Variants in TAOK1 observed in about 807,000 individuals in gnomAD.
TAOK1 encodes the protein TAO kinase 1, also known as serine/threonine-protein kinase TAO1.
A neutral mutation model predicts 138.3 loss-of-function variants in TAOK1; 21 were observed. That is an observed-to-expected ratio of 0.15 (90% CI 0.11 to 0.22). TAOK1 has a LOEUF of 0.22. TAOK1 is among the 10% of genes least tolerant of loss of function. The probability of loss-of-function intolerance (pLI) is 1.00; values close to 1 mark genes in which losing one functional copy is unlikely to be tolerated. For missense variants in TAOK1, 651 were observed against 1,227.7 expected (o/e 0.53, Z 7.02); for synonymous variants, 361 against 398.4 (o/e 0.91, Z 1.12).
At chr17:29,468,692 C>T (rs1344478996) in intron 3 of TAOK1, among the ~76,000 whole-genome samples, 2 of 151,848 alleles carry the variant, frequency 1.3e-5, no homozygotes, top group African/African-American at 4.8e-5. Flanking sequence ...GGATTACAGG[C>T]GCCTGCCACC....
intron 1 of TAOK1, among the ~76,000 whole-genome samples, chr17:29,430,668 G>C (rs1048177911): frequency 2.0e-5 from 3 of 152,274 alleles, no homozygotes; most frequent in African/African-American, 4.8e-5. Context: ...AAATTGGCAT[G>C]AAACAGCCTT....
At chr17:29,442,669 T>C (rs1469976483) in intron 1 of TAOK1, among the ~76,000 whole-genome samples, 1 of 152,222 alleles carries the variant, frequency 6.6e-6, no homozygotes, top group East Asian at 1.9e-4. Flanking sequence ...TCTTCATCTT[T>C]CTAGTTTACT....
At position 29,507,747 on chromosome 17, in the gene TAOK1, A is replaced by G; in HGVS notation, c.1339-149A>G. On this transcript the variant is annotated intron_variant, in intron 13 of 19. Transcript: ENST00000261716. ...AATTTTAGAACCAGTCAATTTCTTTAAAAGACTTGTTGGAAATTTCCTTGG... is the reference window on the plus strand; with the variant it reads ...AATTTTAGAACCAGTCAATTTCTTTGAAAGACTTGTTGGAAATTTCCTTGG... The G allele has an allele frequency of 4.2e-6, 3 of 720,902 alleles. No individual in the cohort carries two copies. The South Asian group carries it at 6.1e-5, about 15-fold the overall frequency. The allele number at this position is 720,902 out of a possible 1,614,324, so 44.7% of individuals were successfully genotyped here.
At chr17:29,425,284 G>A (rs1315001388) in intron 1 of TAOK1, among the ~76,000 whole-genome samples, 1 of 152,108 alleles carries the variant, frequency 6.6e-6, no homozygotes, top group Non-Finnish European at 1.5e-5. Flanking sequence ...TGTTGGCCAG[G>A]CTGGTCTCAA....
intron 9 of TAOK1, among the ~76,000 whole-genome samples, chr17:29,490,583 A>G (rs2031278002): frequency 6.6e-6 from 1 of 152,180 alleles, no homozygotes; most frequent in African/African-American, 2.4e-5. Flanking sequence ...TAATAATGCT[A>G]AAACTCTGTG....
chr17:29,458,717 C>CA (rs1441545161), intron 2 of TAOK1, among the ~76,000 whole-genome samples: 7 of 151,860 alleles, frequency 4.6e-5, no homozygotes, highest in Non-Finnish European at 8.8e-5. Context: ...TTTTGTGAGA[C>CA]AGAGTCTCAC....
intron 1 of TAOK1, among the ~76,000 whole-genome samples, chr17:29,392,035 T>C (rs927233403): frequency 2.6e-5 from 4 of 152,062 alleles, no homozygotes; most frequent in Non-Finnish European, 5.9e-5. Flanking sequence ...GCTAACACGG[T>C]GAAACCCCGT....
rs769793361 is a variant in TAOK1, at chr17:29,510,930, C to G, written c.1642C>G (p.Leu548Val). 1 of 1,611,294 alleles carries G rather than the reference C, an allele frequency of 6.2e-7. No homozygotes were observed. The highest frequency in any genetic ancestry group is 8.5e-7 in the Non-Finnish European group (1 of 1,178,756). The change falls in exon 15 of 20, where the codon CTG becomes GTG. Residue 548 changes from leucine to valine, a missense_variant. By Grantham distance (32) the Leu-to-Val change is conservative. Transcript: ENST00000261716. ...QHIQAQQKKE[L>V]NSFLESQKRE... ...TATTCAGGCCCAACAGAAGAAAGAA[C>G]TGAATAGTTTTCTCGAGTCCCAGAA...
chr17:29,426,625 C>T (rs895536078), intron 1 of TAOK1, among the ~76,000 whole-genome samples: 7 of 152,200 alleles, frequency 4.6e-5, no homozygotes, highest in Admixed American at 4.6e-4. Context: ...ATCCATTATC[C>T]ATGTCTTGTG....
In TAOK1 at chr17:29,482,254, T is replaced by C. The variant is rs749730923; in HGVS notation, c.621T>C (p.Asp207=). 6 of 1,613,018 alleles carry C rather than the reference T, an allele frequency of 3.7e-6. No individual in the cohort carries two copies. The highest frequency in any genetic ancestry group is 4.2e-6 in the Non-Finnish European group (5 of 1,179,520). ...MDEGQYDGKV[D]VWSLGITCIE... ...AAGGACAATATGATGGCAAAGTAGA[T>C]GTGTGGTCTCTTGGAATAACATGTA... The change falls in exon 8 of 20, where the codon GAT becomes GAC. Residue 207 remains aspartate (D), a synonymous_variant. Coordinates refer to ENST00000261716, the MANE Select transcript of TAOK1 (RefSeq NM_020791.4).
intron 8 of TAOK1, among the ~76,000 whole-genome samples, chr17:29,485,334 A>G (rs888410445): frequency 1.3e-5 from 2 of 152,230 alleles, no homozygotes; most frequent in African/African-American, 4.8e-5. Flanking sequence ...AAGAAAATAA[A>G]TTATTCATAG....
intron 1 of TAOK1, among the ~76,000 whole-genome samples, chr17:29,434,864 G>A (rs1284751587): frequency 6.6e-6 from 1 of 152,102 alleles, no homozygotes; most frequent in Non-Finnish European, 1.5e-5. Context: ...TTGAGTCTGG[G>A]ACAAAGATGT....
chr17:29,407,793 A>G (rs1375908431), intron 1 of TAOK1, among the ~76,000 whole-genome samples: 1 of 152,068 alleles, frequency 6.6e-6, no homozygotes, highest in African/African-American at 2.4e-5. Flanking sequence ...AACATATCTA[A>G]ATTGAACTCA....
In TAOK1 at chr17:29,530,407, T is replaced by G. The variant is rs1773606807; in HGVS notation, c.2149T>G (p.Ser717Ala). The change falls in exon 18 of 20, where the codon TCT (serine) becomes GCT (alanine). Residue 717 changes from serine (S) to alanine (A), a missense_variant and splice_region_variant. Ser to Ala is a moderately conservative substitution (Grantham distance 99, BLOSUM62 1). Around this residue, in one of 8 missense-constraint regions of TAOK1, gnomAD observed 258 missense variants for 548.9 expected, o/e 0.47. Transcript: ENST00000261716. ...EVRQQPKSLK[S>A]KELQIKKQFQ... ...TAAATGTATTTTTTTTTCTTCCCAG[T>G]CTAAAGAACTCCAAATAAAAAAGCA... 17 of 1,613,550 alleles carry G rather than the reference T, an allele frequency of 1.1e-5. No individual in the cohort carries two copies. Among genetic ancestry groups the G allele is most frequent in the Non-Finnish European group, 1.4e-5 (17 of 1,179,626 alleles).
intron 12 of TAOK1, among the ~76,000 whole-genome samples, 154 bp downstream of exon 12, chr17:29,498,675 T>C (rs2031457450): frequency 6.6e-6 from 1 of 152,210 alleles, no homozygotes; most frequent in Non-Finnish European, 1.5e-5. Flanking sequence ...CCCAGCACTT[T>C]GGGAGGCCGA....
chr17:29,534,913 C>A (rs1455201043), intron 19 of TAOK1, among the ~76,000 whole-genome samples: 1 of 150,268 alleles, frequency 6.7e-6, no homozygotes, highest in African/African-American at 2.5e-5. Context: ...AAATTTCCAT[C>A]CTTCAGGATA....
intron 1 of TAOK1, among the ~76,000 whole-genome samples, chr17:29,430,244 G>A (rs1432479157): frequency 1.3e-5 from 2 of 152,158 alleles, no homozygotes; most frequent in African/African-American, 4.8e-5. Context: ...CCTGAGGAGC[G>A]GCTCAAGGAG....
intron 16 of TAOK1, among the ~76,000 whole-genome samples, chr17:29,519,091 C>T (rs1344626215): frequency 6.6e-6 from 1 of 152,056 alleles, no homozygotes; most frequent in Non-Finnish European, 1.5e-5. Flanking sequence ...TGAGGAAATT[C>T]ACTGGGCAGT....
intron 2 of TAOK1, among the ~76,000 whole-genome samples, chr17:29,455,318 A>G (rs1401901747): frequency 6.6e-6 from 1 of 150,562 alleles, no homozygotes. Context: ...TGTTTTTTGT[A>G]TCTTCATCTT....
Sources: gnomAD v4.1 joint callset for allele counts (sites outside exome capture counted in the v4.1 genomes callset) on GRCh38, gnomAD v4.1.1 for gene constraint, gnomAD v4.1.1 regional missense constraint, MANE v1.5 for transcripts, NCBI Gene and HGNC (gene_info 2026-07-23, HGNC 2026-07-21) for gene names.